Variants in SLC2A13 observed in about 807,000 individuals in gnomAD.
The protein encoded by SLC2A13 is proton myo-inositol cotransporter.
A neutral mutation model predicts 64.4 loss-of-function variants in SLC2A13; 32 were observed. That is an observed-to-expected ratio of 0.50 (90% CI 0.37 to 0.67). SLC2A13 has a LOEUF of 0.67. Among genes scored for constraint, SLC2A13 ranks in the 30% least tolerant of loss-of-function variants. The pLI is 0.00. For missense variants in SLC2A13, 743 were observed against 829.2 expected (o/e 0.90, Z 1.28); for synonymous variants, 338 against 327.1 (o/e 1.03, Z -0.36).
intron 3 of SLC2A13, among the ~76,000 whole-genome samples, chr12:39,999,442 A>T (rs1437624695): frequency 6.6e-6 from 1 of 151,992 alleles, no homozygotes; most frequent in Non-Finnish European, 1.5e-5. Context: ...TCATGGGGGG[A>T]GGTCTACAAA....
chr12:39,807,558 G>A (rs1942017221), intron 7 of SLC2A13, among the ~76,000 whole-genome samples: 1 of 152,140 alleles, frequency 6.6e-6, no homozygotes, highest in Non-Finnish European at 1.5e-5. Flanking sequence ...TATAAGACTT[G>A]ATAAATATCA....
chr12:40,045,821 G>A (rs1364328494), intron 2 of SLC2A13, among the ~76,000 whole-genome samples: 2 of 152,122 alleles, frequency 1.3e-5, no homozygotes, highest in African/African-American at 2.4e-5. Flanking sequence ...GGATTCCATG[G>A]TTACTTGGAA....
chr12:40,101,886 C>T (rs12427022), intron 1 of SLC2A13, among the ~76,000 whole-genome samples: 2,116 of 152,034 alleles, frequency 0.014, 127 homozygotes, highest in Admixed American at 0.094. Flanking sequence ...TGTTTCCACA[C>T]CCAACAAAAG....
intron 3 of SLC2A13, among the ~76,000 whole-genome samples, chr12:39,974,650 C>A (rs552111023): frequency 6.6e-6 from 1 of 152,180 alleles, no homozygotes; most frequent in Non-Finnish European, 1.5e-5. Context: ...ACTACAAAAT[C>A]ATAAGATACG....
intron 1 of SLC2A13, among the ~76,000 whole-genome samples, chr12:40,102,988 G>A (rs1235615455): frequency 6.6e-6 from 1 of 152,124 alleles, no homozygotes; most frequent in Admixed American, 6.5e-5. Flanking sequence ...TAAATGAAGA[G>A]GGCTTTTACG....
At chr12:39,896,249 CATGTATGTAT>C (rs1250882036) in intron 4 of SLC2A13, among the ~76,000 whole-genome samples, 1 of 92,518 alleles carries the variant, frequency 1.1e-5, no homozygotes, top group African/African-American at 4.0e-5. Flanking sequence ...TATATGTATA[CATGTATGTAT>C]ATGTGTGTAT....
At chr12:39,919,910 T>G (rs1490537524) in intron 4 of SLC2A13, among the ~76,000 whole-genome samples, 1 of 152,108 alleles carries the variant, frequency 6.6e-6, no homozygotes, top group Non-Finnish European at 1.5e-5. Context: ...CCCAAAGCTA[T>G]TATAGTAAAT....
intron 7 of SLC2A13, among the ~76,000 whole-genome samples, chr12:39,824,924 G>C (rs1231657904): frequency 6.6e-6 from 1 of 152,164 alleles, no homozygotes; most frequent in African/African-American, 2.4e-5. Context: ...AAAAGACATA[G>C]AGACAGGAAA....
intron 2 of SLC2A13, among the ~76,000 whole-genome samples, chr12:40,032,661 GTC>G (rs1947922877): frequency 6.6e-6 from 1 of 152,202 alleles, no homozygotes. Context: ...CAAGCCTGCT[GTC>G]TCTTCCATCA....
chr12:40,082,861 T>A (rs1181465307), intron 1 of SLC2A13, among the ~76,000 whole-genome samples: 1 of 152,214 alleles, frequency 6.6e-6, no homozygotes, highest in Admixed American at 6.5e-5. Context: ...CCCCAGGAGC[T>A]GCTCAGGGTC....
At chr12:39,797,281 T>TAATA (rs1156668424) in intron 7 of SLC2A13, among the ~76,000 whole-genome samples, 2 of 152,244 alleles carry the variant, frequency 1.3e-5, no homozygotes, top group African/African-American at 4.8e-5. Context: ...AATGTAATTA[T>TAATA]CTTTAAGTAC....
intron 6 of SLC2A13, among the ~76,000 whole-genome samples, chr12:39,839,965 T>C (rs1943135465): frequency 6.6e-6 from 1 of 152,118 alleles, no homozygotes; most frequent in Non-Finnish European, 1.5e-5. Context: ...CATATTTAAA[T>C]AGCTACCAGT....
intron 1 of SLC2A13, among the ~76,000 whole-genome samples, chr12:40,069,088 T>C (rs1279397135): frequency 1.2e-4 from 18 of 152,090 alleles, no homozygotes. Context: ...TACTTCATAC[T>C]ATAGTTATAA....
At chr12:40,062,954 T>A (rs1282289697) in intron 1 of SLC2A13, among the ~76,000 whole-genome samples, 1 of 152,104 alleles carries the variant, frequency 6.6e-6, no homozygotes, top group African/African-American at 2.4e-5. Flanking sequence ...AAATACCATT[T>A]TTCTGGTATC....
intron 1 of SLC2A13, among the ~76,000 whole-genome samples, chr12:40,091,148 A>T (rs969222380): frequency 1.3e-5 from 2 of 152,202 alleles, no homozygotes; most frequent in Non-Finnish European, 2.9e-5. Flanking sequence ...ACATGGCTAA[A>T]CATAGAAAAG....
At chr12:40,044,644 C>T (rs902187330) in intron 2 of SLC2A13, among the ~76,000 whole-genome samples, 1 of 152,034 alleles carries the variant, frequency 6.6e-6, no homozygotes, top group Non-Finnish European at 1.5e-5. Flanking sequence ...ACTGGCAGTT[C>T]TTTTTTTCTA....
At chr12:39,974,356 T>C (rs1946725234) in intron 3 of SLC2A13, among the ~76,000 whole-genome samples, 1 of 151,138 alleles carries the variant, frequency 6.6e-6, no homozygotes, top group African/African-American at 2.4e-5. Flanking sequence ...ACAGAGAGGG[T>C]TGGGGCCATA....
At chr12:40,093,684 G>T (rs985082246) in intron 1 of SLC2A13, among the ~76,000 whole-genome samples, 1 of 150,968 alleles carries the variant, frequency 6.6e-6, no homozygotes, top group South Asian at 2.1e-4. Flanking sequence ...CAGGAATCTG[G>T]ACAGAGGCTT....
In SLC2A13 at chr12:39,960,355, A is replaced by T. The variant is rs536922337; in HGVS notation, c.926-8990T>A. 9.8e-5 allele frequency among the ~76,000 whole-genome samples: 15 copies of T among 152,302 alleles called. No individual in the cohort carries two copies. In the South Asian group the frequency reaches 3.1e-3, roughly 32 times the overall value. On this transcript the variant is annotated intron_variant, in intron 3 of 9. Transcript: ENST00000280871. ...TCTACATAGACTTCCGCAAACAATG[A>T]CAGCTTTATTTATTCCTTTATAATG...
Sources: gnomAD v4.1 joint callset for allele counts (sites outside exome capture counted in the v4.1 genomes callset) on GRCh38, gnomAD v4.1.1 for gene constraint, MANE v1.5 for transcripts, NCBI Gene and HGNC (gene_info 2026-07-23, HGNC 2026-07-21) for gene names.